Variants in CD86 observed in about 807,000 individuals in gnomAD.
The protein encoded by CD86 is T-lymphocyte activation antigen CD86.
A neutral mutation model predicts 32.1 loss-of-function variants in CD86; 11 were observed. The ratio of observed to expected loss-of-function variants is 0.34; its 90% confidence interval spans 0.22 to 0.57. The LOEUF (loss-of-function observed/expected upper bound fraction) is 0.57. CD86 is among the 20% of genes least tolerant of loss of function. The pLI is 0.86. For missense variants in CD86, 359 were observed against 398.4 expected (o/e 0.90, Z 0.84); for synonymous variants, 137 against 135.3 (o/e 1.01, Z -0.09).
At position 122,116,647 on chromosome 3, in the gene CD86, G is replaced by A. The variant is rs566969077; in HGVS notation, c.848-1401G>A. 3.9e-4 allele frequency among the ~76,000 whole-genome samples: 60 copies of A among 152,146 alleles called. 1 individual carries two copies. The highest frequency in any genetic ancestry group is 3.3e-3 in the Admixed American group (51 of 15,300). ...AGCTTGCTTCATAATACCAAACCTG[G>A]CATTCTAAATTTTCATCAGTTGGCG... On this transcript the variant is annotated intron_variant, in intron 5 of 6. Coordinates refer to ENST00000330540, the MANE Select transcript of CD86 (RefSeq NM_175862.5).
rs1430077000 is a variant in CD86 at position 122,120,200 on chromosome 3, G to T, written c.*666G>T. On this transcript the variant is annotated 3_prime_UTR_variant, in exon 7 of 7. Coordinates refer to ENST00000330540, the MANE Select transcript of CD86 (RefSeq NM_175862.5). Reference sequence around the variant, plus strand: ...ATTTGGGGAAATTAGGAGAGGCAGAGATAGAACCTGGAGCCACTTCTATCT... The same window carrying T: ...ATTTGGGGAAATTAGGAGAGGCAGATATAGAACCTGGAGCCACTTCTATCT... 1 of 152,312 alleles carries T rather than the reference G, an allele frequency of 6.6e-6. No individual in the cohort carries two copies. Among genetic ancestry groups the T allele is most frequent in the Non-Finnish European group, 1.5e-5 (1 of 68,144 alleles). 9.4% of individuals were successfully genotyped at this position (152,312 alleles called of 1,614,324 possible).
At chr3:122,077,516 G>A (rs931983865) in intron 1 of CD86, among the ~76,000 whole-genome samples, 1 of 142,814 alleles carries the variant, frequency 7.0e-6, no homozygotes, top group Non-Finnish European at 1.6e-5. Flanking sequence ...TGGCCTCTCT[G>A]CCCTCACTCA....
intron 5 of CD86, among the ~76,000 whole-genome samples, chr3:122,111,301 T>C (rs1440959735): frequency 6.6e-6 from 1 of 152,228 alleles, no homozygotes; most frequent in Non-Finnish European, 1.5e-5. Context: ...TATCTGCCAT[T>C]GCTTTGTGGG....
chr3:122,089,872 G>A (rs568289025), intron 1 of CD86, among the ~76,000 whole-genome samples: 26 of 152,282 alleles, frequency 1.7e-4, no homozygotes, highest in African/African-American at 5.5e-4. Context: ...GAGGATACTC[G>A]TTACATGCTG....
chr3:122,065,267 G>T (rs562258905), intron 1 of CD86, among the ~76,000 whole-genome samples: 13 of 152,298 alleles, frequency 8.5e-5, no homozygotes, highest in African/African-American at 3.1e-4. Flanking sequence ...TTTGAGCTTG[G>T]AGAGAGCTGT....
intron 5 of CD86, among the ~76,000 whole-genome samples, chr3:122,112,711 T>C (rs185274227): frequency 1.3e-5 from 2 of 152,322 alleles, no homozygotes; most frequent in Non-Finnish European, 2.9e-5. Context: ...TTTTTGACAG[T>C]GGCTTTTTTT....
intron 1 of CD86, among the ~76,000 whole-genome samples, chr3:122,087,096 C>T (rs917499808): frequency 2.6e-5 from 4 of 152,178 alleles, no homozygotes; most frequent in Non-Finnish European, 4.4e-5. Flanking sequence ...TTAGCCAACT[C>T]TTATTCATGT....
At chr3:122,087,725 A>G (rs986314915) in intron 1 of CD86, among the ~76,000 whole-genome samples, 2 of 152,166 alleles carry the variant, frequency 1.3e-5, no homozygotes, top group African/African-American at 2.4e-5. Context: ...GGGCCAGGCC[A>G]GGATTTTGAG....
At chr3:122,085,093 C>T (rs905116343) in intron 1 of CD86, among the ~76,000 whole-genome samples, 4 of 152,098 alleles carry the variant, frequency 2.6e-5, no homozygotes, top group South Asian at 4.1e-4. Context: ...TCATTATATT[C>T]CTAGCACCAA....
chr3:122,058,534 G>A (rs1409585395), intron 1 of CD86, among the ~76,000 whole-genome samples: 1 of 152,172 alleles, frequency 6.6e-6, no homozygotes, highest in Non-Finnish European at 1.5e-5. Flanking sequence ...GTGGTTTAAA[G>A]TCTCAAGACC....
At chr3:122,102,322 C>G (rs183549093) in intron 2 of CD86, among the ~76,000 whole-genome samples, 1 of 151,764 alleles carries the variant, frequency 6.6e-6, no homozygotes, top group Non-Finnish European at 1.5e-5. Context: ...CTAACTTCCT[C>G]TCCAAGGTGG....
chr3:122,076,642 G>A (rs1241264059), intron 1 of CD86, among the ~76,000 whole-genome samples: 1 of 152,212 alleles, frequency 6.6e-6, no homozygotes, highest in East Asian at 1.9e-4. Flanking sequence ...GGTTTTACAG[G>A]CCTGTTTACA....
At position 122,091,536 on chromosome 3, in the gene CD86, T is replaced by C. The variant is rs1366050644; in HGVS notation, c.15-65T>C. On this transcript the variant is annotated intron_variant, in intron 1 of 6. Coordinates refer to ENST00000330540, the MANE Select transcript of CD86 (RefSeq NM_175862.5). ...CAAACTCCACGTCCAGGTCATGTTT[T>C]GGTGAACATCGGTTTTCAGTTTCCT... The C allele has an allele frequency of 3.1e-6, 4 of 1,291,924 alleles. No homozygotes were observed. The East Asian group carries it at 9.2e-5, about 30-fold the overall frequency. The allele number at this position is 1,291,924 out of a possible 1,614,324, so 80.0% of individuals were successfully genotyped here.
chr3:122,118,137 C>A (rs1252842942), intron 6 of CD86, 44 bp downstream of exon 6: 2 of 1,515,284 alleles, frequency 1.3e-6, no homozygotes, highest in East Asian at 2.3e-5. Flanking sequence ...AGGTATAATC[C>A]CCAGAGTGCC....
At chr3:122,095,539 ACT>A (rs2072894485) in intron 2 of CD86, among the ~76,000 whole-genome samples, 1 of 152,082 alleles carries the variant, frequency 6.6e-6, no homozygotes, top group African/African-American at 2.4e-5. Context: ...GGAAAGGTCC[ACT>A]GTTTTCCTCC....
In CD86 at chr3:122,118,030, G is replaced by A. The variant is rs1216237131; in HGVS notation, c.848-18G>A. 1.2e-6 allele frequency: 2 copies of A among 1,610,592 alleles called. No homozygotes were observed. Among genetic ancestry groups the A allele is most frequent in the Admixed American group, 3.3e-5 (2 of 59,926 alleles). ...TAGGAGGAATACATTTTTGAAGATTGTTCTTGGTGTCTTTCAGGAACCAAC... is the reference window on the plus strand; with the variant it reads ...TAGGAGGAATACATTTTTGAAGATTATTCTTGGTGTCTTTCAGGAACCAAC... On this transcript the variant is annotated intron_variant, in intron 5 of 6. Coordinates refer to ENST00000330540, the MANE Select transcript of CD86 (RefSeq NM_175862.5).
chr3:122,068,509 C>A (rs2072445231), intron 1 of CD86, among the ~76,000 whole-genome samples: 1 of 152,124 alleles, frequency 6.6e-6, no homozygotes, highest in African/African-American at 2.4e-5. Flanking sequence ...CACCCTTAGA[C>A]AAATAGGCCA....
chr3:122,070,948 T>G (rs76450316), intron 1 of CD86, among the ~76,000 whole-genome samples: 1 of 151,502 alleles, frequency 6.6e-6, no homozygotes, highest in Non-Finnish European at 1.5e-5. Flanking sequence ...AGCATGTGTG[T>G]TTTTTTTTAA....
intron 2 of CD86, among the ~76,000 whole-genome samples, 173 bp from the exon 3 acceptor site, chr3:122,103,339 A>G (rs1489152437): frequency 6.6e-6 from 1 of 152,186 alleles, no homozygotes; most frequent in East Asian, 1.9e-4. Context: ...AAGCAAGGAC[A>G]AAGGTCCTAA....
Sources: gnomAD v4.1 joint callset for allele counts (sites outside exome capture counted in the v4.1 genomes callset) on GRCh38, gnomAD v4.1.1 for gene constraint, MANE v1.5 for transcripts, NCBI Gene and HGNC (gene_info 2026-07-23, HGNC 2026-07-21) for gene names.